Variants in RASA2 observed in about 807,000 individuals in gnomAD.
The protein encoded by RASA2 is ras GTPase-activating protein 2.
Under a neutral mutation model 118.2 loss-of-function variants are expected in RASA2, and 155 were observed. The ratio of observed to expected loss-of-function variants is 1.31; its 90% CI spans 1.15 to 1.50. The LOEUF is 1.50. Ranked by LOEUF, RASA2 falls within the 40% of genes most tolerant of loss-of-function variation. The pLI is 0.00. For missense variants in RASA2, 1,016 were observed against 1,009.6 expected (o/e 1.01, Z -0.09); for synonymous variants, 353 against 349.1 (o/e 1.01, Z -0.12).
intron 19 of RASA2, among the ~76,000 whole-genome samples, chr3:141,599,213 T>G (rs532750505): frequency 5.5e-4 from 83 of 151,712 alleles, no homozygotes; most frequent in Admixed American, 1.9e-3. Context: ...TGTTTGTGGA[T>G]TGAAGATTGA....
At chr3:141,500,389 G>T (rs1251073330) in intron 1 of RASA2, among the ~76,000 whole-genome samples, 1 of 152,060 alleles carries the variant, frequency 6.6e-6, no homozygotes, top group South Asian at 2.1e-4. Flanking sequence ...TTTTTCTTGT[G>T]TAAGATTTAT....
intron 4 of RASA2, among the ~76,000 whole-genome samples, chr3:141,535,577 G>T (rs1425278264): frequency 6.6e-6 from 1 of 152,116 alleles, no homozygotes; most frequent in Non-Finnish European, 1.5e-5. Flanking sequence ...GTTTATTTTG[G>T]CTTACAGTTC....
intron 4 of RASA2, among the ~76,000 whole-genome samples, chr3:141,532,695 G>T (rs897123936): frequency 6.6e-6 from 1 of 152,036 alleles, no homozygotes; most frequent in Non-Finnish European, 1.5e-5. Flanking sequence ...GTTGACTACC[G>T]CATAAAATAA....
rs2081650263 is a variant in RASA2 at position 141,492,454 on chromosome 3, C to G, written c.133+5238C>G. On this transcript the variant is annotated intron_variant, in intron 1 of 23. Coordinates refer to ENST00000286364, the MANE Select transcript of RASA2 (RefSeq NM_006506.5). ...TAGGTTTGTATGTAATTTTAGTTAT[C>G]AAAAACCCCTATCTAAAGTGATAAA... Among the ~76,000 whole-genome samples the G allele has an allele frequency of 2.0e-5, 3 of 152,072 alleles. No individual in the cohort carries two copies. In the South Asian group the frequency reaches 6.2e-4, roughly 32 times the overall value.
intron 5 of RASA2, among the ~76,000 whole-genome samples, chr3:141,551,008 CTT>C (rs1398915702): frequency 6.6e-6 from 1 of 152,182 alleles, no homozygotes; most frequent in African/African-American, 2.4e-5. Flanking sequence ...ATAATTATAA[CTT>C]TTAAATGTCT....
Position 141,538,110 on chromosome 3 carries a change from C to CAA in RASA2, c.451-2422_451-2421insAA, listed in dbSNP as rs1232210636. Among the ~76,000 whole-genome samples the CAA allele has an allele frequency of 4.6e-5, 7 of 151,730 alleles. No homozygotes were observed. The East Asian group carries it at 1.2e-3, about 25-fold the overall frequency. ...CCCATCAAAAAACAAAACACACACA[C>CAA]ACACACACACACACACACACAAACT... On this transcript the variant is annotated intron_variant, in intron 4 of 23. Coordinates refer to ENST00000286364, the MANE Select transcript of RASA2 (RefSeq NM_006506.5).
At chr3:141,527,527 T>C in intron 3 of RASA2, among the ~76,000 whole-genome samples, 1 of 152,086 alleles carries the variant, frequency 6.6e-6, no homozygotes, top group East Asian at 1.9e-4. Context: ...ATTTTTTGAG[T>C]ATCAAACTGT....
In RASA2 at chr3:141,615,186, T is replaced by A. The variant is rs2083710317; in HGVS notation, c.*2873T>A. The A allele has an allele frequency of 6.6e-6, 1 of 152,244 alleles. No homozygotes were observed. Among genetic ancestry groups the A allele is most frequent in the South Asian group, 2.1e-4 (1 of 4,836 alleles). 9.4% of individuals were successfully genotyped at this position (152,244 alleles called of 1,614,324 possible). On this transcript the variant is annotated 3_prime_UTR_variant, in exon 24 of 24. Transcript: ENST00000286364. Reference sequence around the variant, plus strand: ...TTTTACAGTACCCAGTTTGAAAATGTAAGTTATCAAAACTTAATGTAGTGA... The same window carrying A: ...TTTTACAGTACCCAGTTTGAAAATGAAAGTTATCAAAACTTAATGTAGTGA...
chr3:141,582,268 AT>A (rs901078582), intron 17 of RASA2, among the ~76,000 whole-genome samples: 2 of 152,196 alleles, frequency 1.3e-5, no homozygotes, highest in African/African-American at 2.4e-5. Flanking sequence ...CCGTTGGAAT[AT>A]TTTTCATCTG....
At chr3:141,581,705 AAAT>A (rs1294552974) in intron 17 of RASA2, among the ~76,000 whole-genome samples, 3 of 152,182 alleles carry the variant, frequency 2.0e-5, no homozygotes, top group African/African-American at 7.2e-5. Context: ...CCATAGTAAA[AAAT>A]ATATACATTA....
intron 19 of RASA2, among the ~76,000 whole-genome samples, chr3:141,594,149 G>A (rs368432293): frequency 3.3e-5 from 5 of 152,182 alleles, no homozygotes; most frequent in Admixed American, 6.5e-5. Flanking sequence ...TGAAAAGCAC[G>A]ATACCTGACA....
chr3:141,495,980 C>T (rs1177155807), intron 1 of RASA2, among the ~76,000 whole-genome samples: 1 of 152,112 alleles, frequency 6.6e-6, no homozygotes, highest in Non-Finnish European at 1.5e-5. Context: ...TGTTTTAAAT[C>T]TCAAAACATT....
chr3:141,593,431 A>G (rs1318186522), intron 19 of RASA2, among the ~76,000 whole-genome samples: 1 of 152,030 alleles, frequency 6.6e-6, no homozygotes, highest in Non-Finnish European at 1.5e-5. Context: ...CAAGCAGAAA[A>G]CTAAGCTTTA....
intron 1 of RASA2, among the ~76,000 whole-genome samples, chr3:141,497,512 A>G (rs2081721162): frequency 6.6e-6 from 1 of 152,134 alleles, no homozygotes; most frequent in Non-Finnish European, 1.5e-5. Context: ...AGAGTAATCA[A>G]ATGTTAGGTT....
rs2083327705 is a variant in RASA2, at chr3:141,594,128, AAT to A, written c.1933+7377_1933+7378del. On this transcript the variant is annotated intron_variant, in intron 19 of 23. Transcript: ENST00000286364. ...GAAAATAAAAAGGGAATCAAATGGA[AAT>A]TCTAGAATTGAAAAGCACGATACCT... 2.6e-5 allele frequency among the ~76,000 whole-genome samples: 4 copies of A among 152,298 alleles called. No homozygotes were observed. In the South Asian group the frequency reaches 8.3e-4, roughly 32 times the overall value.
Position 141,609,467 on chromosome 3 carries a change from CAG to C in RASA2, c.2275_2276del (p.Glu759LysfsTer12), listed in dbSNP as rs756946687. 4 of 1,605,410 alleles carry C rather than the reference CAG, an allele frequency of 2.5e-6. No individual in the cohort carries two copies. The highest frequency in any genetic ancestry group is 1.7e-6 in the Non-Finnish European group (2 of 1,173,996). ...ATAGATATTGATGAAGACAGAGAAA[CAG>C]AAAGAATTTATTCCCTTTTTACCCT... On this transcript the variant is annotated frameshift_variant, in exon 22 of 24. Coordinates refer to ENST00000286364, the MANE Select transcript of RASA2 (RefSeq NM_006506.5). LOFTEE classifies it high-confidence loss of function.
chr3:141,495,776 T>G (rs1470343730), intron 1 of RASA2, among the ~76,000 whole-genome samples: 1 of 152,250 alleles, frequency 6.6e-6, no homozygotes, highest in African/African-American at 2.4e-5. Flanking sequence ...CAATGTTGCC[T>G]TGTTGGTAAA....
At chr3:141,515,404 A>G (rs2082008256) in intron 2 of RASA2, among the ~76,000 whole-genome samples, 1 of 151,998 alleles carries the variant, frequency 6.6e-6, no homozygotes, top group African/African-American at 2.4e-5. Context: ...GGTGAGCATG[A>G]CCCCAGGCAG....
At position 141,614,481 on chromosome 3, in the gene RASA2, C is replaced by T. The variant is rs1375647937; in HGVS notation, c.*2168C>T. ...GCCCTCATTCCTCTGCTGTTACTTA[C>T]AAATGTTTTAATTTTTACTACCTGA... On this transcript the variant is annotated 3_prime_UTR_variant, in exon 24 of 24. Coordinates refer to ENST00000286364, the MANE Select transcript of RASA2 (RefSeq NM_006506.5). The T allele has an allele frequency of 6.6e-6, 1 of 152,156 alleles. No individual in the cohort carries two copies. The highest frequency in any genetic ancestry group is 1.5e-5 in the Non-Finnish European group (1 of 68,018). The allele number at this position is 152,156 out of a possible 1,614,324, so 9.4% of individuals were successfully genotyped here.
Sources: gnomAD v4.1 joint callset for allele counts (sites outside exome capture counted in the v4.1 genomes callset) on GRCh38, gnomAD v4.1.1 for gene constraint, MANE v1.5 for transcripts, NCBI Gene and HGNC (gene_info 2026-07-23, HGNC 2026-07-21) for gene names.